The following MAGI2 variants were observed in gnomAD, a reference collection of about 807,000 sequenced individuals.
MAGI2 encodes the protein membrane associated guanylate kinase, WW and PDZ domain containing 2, also known as membrane-associated guanylate kinase, WW and PDZ domain-containing protein 2.
In MAGI2, 35 loss-of-function variants were observed where a neutral mutation model predicts 133.3. The ratio of observed to expected loss-of-function variants is 0.26; its 90% confidence interval spans 0.20 to 0.35. The LOEUF is 0.35. MAGI2 is among the 10% of genes least tolerant of loss of function. MAGI2 has a pLI of 1.00. For synonymous variants in MAGI2, 729 were observed against 710.6 expected, an observed-to-expected ratio of 1.03 and a Z score of -0.41; for missense variants, 1,636 against 1,863.4, an observed-to-expected ratio of 0.88 and a Z score of 2.25.
chr7:78,204,652 G>T (rs1008344419), intron 10 of MAGI2, among the ~76,000 whole-genome samples: 1 of 152,030 alleles, frequency 6.6e-6, no homozygotes, highest in Admixed American at 6.6e-5. Flanking sequence ...TACTGATCAT[G>T]TATTGATTTT....
At chr7:78,631,702 C>G (rs1809021789) in intron 2 of MAGI2, among the ~76,000 whole-genome samples, 1 of 152,194 alleles carries the variant, frequency 6.6e-6, no homozygotes, top group Non-Finnish European at 1.5e-5. Flanking sequence ...TTTTCTGTTT[C>G]TGTACTACCC....
At chr7:78,601,266 G>A (rs1805172350) in intron 3 of MAGI2, among the ~76,000 whole-genome samples, 1 of 152,080 alleles carries the variant, frequency 6.6e-6, no homozygotes, top group African/African-American at 2.4e-5. Context: ...AAGTGTACAT[G>A]TATAATGAAG....
intron 11 of MAGI2, among the ~76,000 whole-genome samples, chr7:78,198,892 A>G (rs777101888): frequency 3.3e-5 from 5 of 152,206 alleles, no homozygotes; most frequent in African/African-American, 4.8e-5. Context: ...GATGGAGAGA[A>G]TGAGAACTCA....
At chr7:79,430,856 G>T (rs1194773870) in intron 1 of MAGI2, among the ~76,000 whole-genome samples, 1 of 152,194 alleles carries the variant, frequency 6.6e-6, no homozygotes, top group Non-Finnish European at 1.5e-5. Flanking sequence ...GTGTTAAACT[G>T]TGGCTTGAAT....
At chr7:78,166,905 T>C (rs1168726620) in intron 15 of MAGI2, among the ~76,000 whole-genome samples, 1 of 152,268 alleles carries the variant, frequency 6.6e-6, no homozygotes, top group Non-Finnish European at 1.5e-5. Context: ...AGTCCCTCTC[T>C]GCATTGTCAC....
intron 1 of MAGI2, among the ~76,000 whole-genome samples, chr7:79,016,004 G>GGC: frequency 8.8e-6 from 1 of 114,074 alleles, no homozygotes; most frequent in African/African-American, 3.2e-5. Flanking sequence ...GAAGCGGGGG[G>GGC]GGGGGGTGGG....
intron 5 of MAGI2, among the ~76,000 whole-genome samples, chr7:78,492,017 C>A (rs1459670379): frequency 6.6e-6 from 1 of 151,834 alleles, no homozygotes; most frequent in Non-Finnish European, 1.5e-5. Context: ...TCTTCCAAAT[C>A]CTTTCCTCTT....
At chr7:78,426,422 C>T (rs1041867607) in intron 6 of MAGI2, among the ~76,000 whole-genome samples, 1 of 151,690 alleles carries the variant, frequency 6.6e-6, no homozygotes, top group Non-Finnish European at 1.5e-5. Flanking sequence ...CACATGGACA[C>T]AGGAAGGGGA....
chr7:79,278,391 C>G (rs1440939341), intron 1 of MAGI2, among the ~76,000 whole-genome samples: 1 of 152,088 alleles, frequency 6.6e-6, no homozygotes, highest in Non-Finnish European at 1.5e-5. Context: ...TCAGGTATTT[C>G]TTTATAGTAA....
At chr7:78,230,097 G>A (rs567668903) in intron 10 of MAGI2, among the ~76,000 whole-genome samples, 1 of 152,248 alleles carries the variant, frequency 6.6e-6, no homozygotes, top group East Asian at 1.9e-4. Flanking sequence ...TTCAAGTATC[G>A]CTCAGGGGAA....
chr7:78,966,057 C>G (rs989045912), intron 2 of MAGI2, among the ~76,000 whole-genome samples: 8 of 152,064 alleles, frequency 5.3e-5, no homozygotes, highest in African/African-American at 1.7e-4. Context: ...CATTCCCTGA[C>G]TGCCTTTCAG....
At chr7:78,832,094 A>T (rs1232957798) in intron 2 of MAGI2, among the ~76,000 whole-genome samples, 2 of 151,950 alleles carry the variant, frequency 1.3e-5, no homozygotes, top group Non-Finnish European at 2.9e-5. Context: ...TATTTTTTTT[A>T]AATAAAATAT....
intron 2 of MAGI2, among the ~76,000 whole-genome samples, chr7:78,798,816 T>C (rs37871): frequency 0.86 from 131,328 of 152,174 alleles, 57,071 homozygotes; most frequent in East Asian, 1. Context: ...ATTTGTATTC[T>C]AACTAAGGCA....
intron 20 of MAGI2, among the ~76,000 whole-genome samples, chr7:78,108,961 A>G: frequency 1.3e-5 from 2 of 152,032 alleles, no homozygotes. Context: ...GGAATAGAGT[A>G]GCATACAAGG....
intron 9 of MAGI2, among the ~76,000 whole-genome samples, chr7:78,305,262 A>G (rs1798160156): frequency 6.6e-6 from 1 of 152,138 alleles, no homozygotes; most frequent in South Asian, 2.1e-4. Flanking sequence ...GGACACTCCA[A>G]TGCTACTGCT....
At chr7:79,181,750 C>G (rs1459289355) in intron 1 of MAGI2, among the ~76,000 whole-genome samples, 2 of 151,938 alleles carry the variant, frequency 1.3e-5, no homozygotes, top group Non-Finnish European at 2.9e-5. Flanking sequence ...ACTTTATGTC[C>G]TGTTTCTCTT....
intron 5 of MAGI2, among the ~76,000 whole-genome samples, chr7:78,490,919 T>C (rs1793545738): frequency 2.0e-5 from 3 of 151,820 alleles, no homozygotes; most frequent in African/African-American, 4.8e-5. Flanking sequence ...TAGGGAACAG[T>C]CAGAAGGCCA....
intron 3 of MAGI2, among the ~76,000 whole-genome samples, chr7:78,593,969 A>C (rs1460927958): frequency 6.6e-6 from 1 of 152,216 alleles, no homozygotes; most frequent in Non-Finnish European, 1.5e-5. Context: ...TTCAACTCCC[A>C]AACATATCAC....
At chr7:78,405,751 T>A (rs1368891728) in intron 6 of MAGI2, among the ~76,000 whole-genome samples, 1 of 152,044 alleles carries the variant, frequency 6.6e-6, no homozygotes, top group Admixed American at 6.6e-5. Flanking sequence ...TTTACACATT[T>A]AAAAAATTCT....
Sources: gnomAD v4.1 joint callset for allele counts (sites outside exome capture counted in the v4.1 genomes callset) on GRCh38, gnomAD v4.1.1 for gene constraint, MANE v1.5 for transcripts, NCBI Gene and HGNC (gene_info 2026-07-23, HGNC 2026-07-21) for gene names.